Variants in CPVL observed in about 807,000 individuals in gnomAD.
CPVL encodes the protein carboxypeptidase vitellogenic like.
A neutral mutation model predicts 63.7 loss-of-function variants in CPVL; 51 were observed. The ratio of observed to expected loss-of-function variants is 0.80; its 90% CI spans 0.64 to 1.01. The LOEUF is 1.01. CPVL is among the 50% of genes least tolerant of loss of function. The pLI, the probability that CPVL is intolerant of heterozygous loss-of-function variation, is 0.00. For missense variants in CPVL, 530 were observed against 573.1 expected, an observed-to-expected ratio of 0.92 and a Z score of 0.77; for synonymous variants, 195 against 206.0, an observed-to-expected ratio of 0.95 and a Z score of 0.46.
At chr7:29,158,297 C>T (rs1257581704) in intron 5 of CPVL, among the ~76,000 whole-genome samples, 1 of 152,228 alleles carries the variant, frequency 6.6e-6, no homozygotes, top group East Asian at 1.9e-4. Context: ...CTTAGGACCT[C>T]AGTTTCCACC....
At chr7:29,174,711 T>C (rs900165830) in intron 5 of CPVL, among the ~76,000 whole-genome samples, 10 of 151,886 alleles carry the variant, frequency 6.6e-5, no homozygotes, top group Non-Finnish European at 1.5e-5. Context: ...AGATACAAAA[T>C]TAGCTGGGCA....
At chr7:29,076,402 A>G (rs541722724) in intron 7 of CPVL, among the ~76,000 whole-genome samples, 4 of 151,914 alleles carry the variant, frequency 2.6e-5, no homozygotes, top group African/African-American at 9.6e-5. Context: ...CCCTGGTCTC[A>G]TAAAAGCTCA....
At position 29,184,647 on chromosome 7, in the gene CPVL, T is replaced by G. The variant is rs1798486360; in HGVS notation, c.-261-99A>C. 3 of 152,352 alleles carry G rather than the reference T, an allele frequency of 2.0e-5. No homozygotes were observed. The South Asian group carries it at 6.2e-4, about 32-fold the overall frequency. The allele number at this position is 152,352 out of a possible 1,614,324, so 9.4% of individuals were successfully genotyped here. A position where few individuals can be genotyped will look rare whatever the true frequency, so the allele number is the denominator to read the frequency against. ...TCAGCCTTTCTGTTTTCTCCAGGCC[T>G]TCAACTGATGTGATGGGGCCCATCT... On this transcript the variant is annotated intron_variant, in intron 3 of 16. Transcript: ENST00000409850.
At chr7:29,079,776 C>A (rs992772655) in intron 7 of CPVL, among the ~76,000 whole-genome samples, 1 of 152,174 alleles carries the variant, frequency 6.6e-6, no homozygotes, top group African/African-American at 2.4e-5. Flanking sequence ...GGTTGCCACC[C>A]TTCTGTTTGC....
chr7:29,192,942 A>G (rs1251596321), intron 1 of CPVL: 1 of 152,244 alleles, frequency 6.6e-6, no homozygotes, highest in Non-Finnish European at 1.5e-5. Context: ...AACTCTGGGG[A>G]AACAGTAAGT....
intron 9 of CPVL, 47 bp from the exon 10 acceptor site, chr7:29,066,168 T>C (rs748244640): frequency 2.1e-6 from 2 of 964,950 alleles, no homozygotes; most frequent in Non-Finnish European, 3.3e-6. Context: ...AAAACATCAG[T>C]GTGGATAAAA....
chr7:29,079,333 G>A (rs1373906139), intron 7 of CPVL, among the ~76,000 whole-genome samples: 1 of 152,172 alleles, frequency 6.6e-6, no homozygotes, highest in African/African-American at 2.4e-5. Flanking sequence ...GAACAAGGCT[G>A]CACCACTAGC....
At chr7:29,115,859 G>A (rs1022184358) in intron 2 of CPVL, among the ~76,000 whole-genome samples, 3 of 152,164 alleles carry the variant, frequency 2.0e-5, no homozygotes, top group African/African-American at 7.2e-5. Context: ...TCTCTCCCAA[G>A]ACCAGCACCA....
chr7:29,096,143 A>C lies in CPVL; in HGVS notation c.363T>G (p.Phe121Leu), dbSNP rs147286046. The C allele has an allele frequency of 5.0e-5, 80 of 1,614,190 alleles. No homozygotes were observed. The highest frequency in any genetic ancestry group is 6.4e-5 in the Non-Finnish European group (76 of 1,180,002). Reference sequence around the variant, plus strand: ...TGACAACATAAGGCCCATGTTCCACAAAGAGTCCAAACATGGATGAACCTC... The same window carrying C: ...TGACAACATAAGGCCCATGTTCCACCAAGAGTCCAAACATGGATGAACCTC... ...GPGGSSMFGL[F>L]VEHGPYVVTS... Residue 121 changes from phenylalanine to leucine, a missense_variant, in exon 4 of 13, where the codon TTT becomes TTG. By Grantham distance (22) the Phe-to-Leu change is conservative (BLOSUM62 0). Transcript: ENST00000265394.
At chr7:29,067,768 G>A (rs1451818300) in intron 9 of CPVL, among the ~76,000 whole-genome samples, 1 of 152,070 alleles carries the variant, frequency 6.6e-6, no homozygotes, top group African/African-American at 2.4e-5. Context: ...ATCAGATAAG[G>A]TATTATTATT....
intron 5 of CPVL, among the ~76,000 whole-genome samples, chr7:29,155,731 C>G (rs1275668014): frequency 6.6e-6 from 1 of 152,214 alleles, no homozygotes; most frequent in East Asian, 1.9e-4. Flanking sequence ...GTGGACAGTC[C>G]TCCCTCATCG....
rs750049806 is a variant in CPVL at position 29,121,088 on chromosome 7, A to C, written c.-10-17T>G. The stretch of plus-strand genomic sequence containing the variant: ...TCTCAGGGTCTAGGATAAAAACAGC[A>C]TTCCAAAAATGAATCATAAGAGTAA... On this transcript the variant is annotated splice_polypyrimidine_tract_variant and intron_variant, in intron 1 of 12. Coordinates refer to ENST00000265394, the MANE Select transcript of CPVL (RefSeq NM_031311.5). 1 of 1,555,074 alleles carries C rather than the reference A, an allele frequency of 6.4e-7. No homozygotes were observed. Among genetic ancestry groups the C allele is most frequent in the Non-Finnish European group, 8.7e-7 (1 of 1,154,640 alleles).
chr7:29,093,351 T>A (rs1584241370), intron 5 of CPVL, among the ~76,000 whole-genome samples: 1 of 123,026 alleles, frequency 8.1e-6, no homozygotes. Flanking sequence ...CATTCCAGCC[T>A]GGGTGACCAA....
chr7:29,133,979 C>T (rs543510364), intron 1 of CPVL, among the ~76,000 whole-genome samples: 21 of 152,262 alleles, frequency 1.4e-4, no homozygotes, highest in African/African-American at 4.3e-4. Flanking sequence ...ATCCTCAAGT[C>T]CCTCCCCAGT....
intron 6 of CPVL, among the ~76,000 whole-genome samples, chr7:29,088,720 G>A (rs1785460426): frequency 6.6e-6 from 1 of 152,122 alleles, no homozygotes. Context: ...GCCGGGCGCG[G>A]TGGCTCACAC....
At chr7:29,171,187 C>T (rs1360716385) in intron 5 of CPVL, among the ~76,000 whole-genome samples, 4 of 152,188 alleles carry the variant, frequency 2.6e-5, no homozygotes, top group Non-Finnish European at 5.9e-5. Flanking sequence ...TGCTTACATA[C>T]GCACTGCTCT....
intron 1 of CPVL, among the ~76,000 whole-genome samples, chr7:29,133,561 T>G (rs941587580): frequency 1.3e-5 from 2 of 152,230 alleles, no homozygotes; most frequent in Admixed American, 6.5e-5. Context: ...TCCAACTGCC[T>G]GCCTAACATT....
intron 3 of CPVL, among the ~76,000 whole-genome samples, chr7:29,105,411 G>A (rs1193683457): frequency 6.6e-6 from 1 of 152,202 alleles, no homozygotes; most frequent in Non-Finnish European, 1.5e-5. Flanking sequence ...AGCAAAGCAT[G>A]TTGATCTGTC....
chr7:29,165,095 C>T (rs1008941695), intron 5 of CPVL, among the ~76,000 whole-genome samples: 1 of 152,024 alleles, frequency 6.6e-6, no homozygotes, highest in African/African-American at 2.4e-5. Flanking sequence ...AAAAACAAGC[C>T]TGCTGATTTT....
Sources: allele counts gnomAD v4.1 joint callset (sites outside exome capture counted in the v4.1 genomes callset), GRCh38; gene constraint gnomAD v4.1.1; transcripts MANE v1.5; gene names NCBI Gene and HGNC (gene_info 2026-07-23, HGNC 2026-07-21).